GGA1: variants seen among roughly 807,000 people sequenced by gnomAD.
The protein encoded by GGA1 is golgi associated, gamma adaptin ear containing, ARF binding protein 1.
A neutral mutation model predicts 76.9 loss-of-function variants in GGA1; 18 were observed. That is an observed-to-expected ratio of 0.23 (90% CI 0.16 to 0.35). GGA1 has a LOEUF of 0.35. GGA1 is among the 10% of genes least tolerant of loss of function. The probability of loss-of-function intolerance (pLI) is 1.00; values close to 1 mark genes in which losing one functional copy is unlikely to be tolerated. For synonymous variants in GGA1, 342 were observed against 354.7 expected, an observed-to-expected ratio of 0.96 and a Z score of 0.40; for missense variants, 755 against 859.0, an observed-to-expected ratio of 0.88 and a Z score of 1.51.
rs1176155311 is a variant in GGA1 at position 37,620,925 on chromosome 22, A to G, written c.528+12A>G. ...AGGAGAAATCCAAGGTGAGACTCCA[A>G]GGAGGCACATATGGGGACTCTGAGC... On this transcript the variant is annotated intron_variant, in intron 6 of 16. Transcript: ENST00000343632. 1.3e-6 allele frequency: 2 copies of G among 1,533,076 alleles called. No individual in the cohort carries two copies. The highest frequency in any genetic ancestry group is 3.3e-5 in the Admixed American group (2 of 59,940). The allele number at this position is 1,533,076 out of a possible 1,614,324, so 95.0% of individuals were successfully genotyped here.
At position 37,623,473 on chromosome 22, in the gene GGA1, C is replaced by T. The variant is rs550236732; in HGVS notation, c.750+6C>T. ...GCAGCGAGGACCTCATGAAGGTGCA[C>T]CTGCCTCCCTGCCTACCCCACTCCC... On this transcript the variant is annotated splice_donor_region_variant and intron_variant, in intron 8 of 16. Coordinates refer to ENST00000343632, the MANE Select transcript of GGA1 (RefSeq NM_013365.5). This position sits in a 1 kb window ranked among gnomAD's most constrained non-coding sequence, Gnocchi z 4.6. 16 of 1,613,820 alleles carry T rather than the reference C, an allele frequency of 9.9e-6. No homozygotes were observed. The highest frequency in any genetic ancestry group is 2.2e-5 in the South Asian group (2 of 91,082).
Position 37,618,508 on chromosome 22 carries a change from C to G in GGA1, c.265C>G (p.Arg89Gly), listed in dbSNP as rs754232613. The G allele has an allele frequency of 1.2e-6, 2 of 1,613,516 alleles. No homozygotes were observed. The highest frequency in any genetic ancestry group is 1.7e-6 in the Non-Finnish European group (2 of 1,179,432). ...GTTCCACGACGAAGTGGGCAAGTTC[C>G]GCTTTCTCAACGAGCTCATCAAGGT... The part of the protein sequence containing the change: ...KRFHDEVGKF[R>G]FLNELIKVVS... The change falls in exon 4 of 17, where the codon CGC becomes GGC. Residue 89 changes from arginine (R) to glycine (G), a missense_variant. Coordinates refer to ENST00000343632, the MANE Select transcript of GGA1 (RefSeq NM_013365.5).
At chr22:37,621,965 C>T (rs903800637) in intron 7 of GGA1, among the ~76,000 whole-genome samples, 1 of 151,684 alleles carries the variant, frequency 6.6e-6, no homozygotes, top group Admixed American at 6.6e-5. Flanking sequence ...TTTAAAAATA[C>T]TAAGTATTTT....
chr22:37,613,024 G>A (rs1297679088), intron 1 of GGA1: 1 of 985,352 alleles, frequency 1.0e-6, no homozygotes, highest in Non-Finnish European at 1.2e-6. Flanking sequence ...ATTTGCCAAG[G>A]GGAGACAGGT....
rs1358766831 is a variant in GGA1, at chr22:37,630,904, G to A, written c.1333G>A (p.Glu445Lys). ...LPPESQQVRWEKQQPTPRLTL... is the reference protein window; with the variant it reads ...LPPESQQVRWKKQQPTPRLTL... ...TTAATGCACTGTCCCCCGATTAAGG[G>A]AGAAGCAGCAGCCAACCCCCCGGCT... is the stretch of plus-strand genomic sequence containing the variant. The change falls in exon 14 of 17, where the codon GAG (glutamate) becomes AAG (lysine). Residue 445 changes from glutamate to lysine, a missense_variant and splice_region_variant. Glu to Lys is a moderately conservative substitution (Grantham distance 56). Transcript: ENST00000343632. 3 of 1,609,528 alleles carry A rather than the reference G, an allele frequency of 1.9e-6. No homozygotes were observed. The highest frequency in any genetic ancestry group is 2.5e-6 in the Non-Finnish European group (3 of 1,177,956).
In GGA1 at chr22:37,630,111, C is replaced by T. The variant is rs980026081; in HGVS notation, c.1272C>T (p.Asp424=). ...CAAGCAGCGGTCTGGACGACCTAGA[C>T]CTCCTGGGGAAGACCCTCCTGCAGC... The part of the protein sequence containing the change: ...LPASSGLDDL[D]LLGKTLLQQS... The change falls in exon 13 of 17, where the codon GAC becomes GAT. Residue 424 remains aspartate (D), a synonymous_variant. Transcript: ENST00000343632. 6.2e-6 allele frequency: 10 copies of T among 1,609,310 alleles called. No individual in the cohort carries two copies. The highest frequency in any genetic ancestry group is 1.7e-5 in the Admixed American group (1 of 59,714).
In GGA1 at chr22:37,632,739, C is replaced by T. The variant is rs1440850991; in HGVS notation, c.*28C>T. ...CAGAGGGGCTGGGGAGAGGAAGGGG[C>T]AGAGGGACCGGTCACTGTCCAGCCT... On this transcript the variant is annotated 3_prime_UTR_variant, in exon 17 of 17. Coordinates refer to ENST00000343632, the MANE Select transcript of GGA1 (RefSeq NM_013365.5). This position sits in a 1 kb window ranked among gnomAD's most constrained non-coding sequence, Gnocchi z 5.1. 4 of 1,323,148 alleles carry T rather than the reference C, an allele frequency of 3.0e-6. No individual in the cohort carries two copies. Among genetic ancestry groups the T allele is most frequent in the Middle Eastern group, 1.8e-4 (1 of 5,512 alleles). 82.0% of individuals were successfully genotyped at this position (1,323,148 alleles called of 1,614,324 possible).
intron 1 of GGA1, chr22:37,609,449 T>C (rs1192224106): frequency 6.8e-6 from 3 of 441,988 alleles, no homozygotes; most frequent in East Asian, 1.6e-4. Flanking sequence ...TCTAGCCACA[T>C]AGTGAGAAAC....
Position 37,631,215 on chromosome 22 carries a change from AC to A in GGA1, c.1528+118del, listed in dbSNP as rs1931751804. 1.0e-4 allele frequency: 79 copies of A among 768,958 alleles called. 1 individual carries two copies. In the South Asian group the frequency reaches 1.5e-3, roughly 15 times the overall value. The allele number at this position is 768,958 out of a possible 1,614,324, so 47.6% of individuals were successfully genotyped here. On this transcript the variant is annotated intron_variant, in intron 14 of 16. Coordinates refer to ENST00000343632, the MANE Select transcript of GGA1 (RefSeq NM_013365.5). ...GCTCCCCTGGCTCTGCCACTGGCCA[AC>A]CAGAGGGGAGCTCTGAACAAGGCCC...
chr22:37,615,981 C>T (rs944079816), intron 2 of GGA1, among the ~76,000 whole-genome samples: 24 of 151,912 alleles, frequency 1.6e-4, no homozygotes, highest in African/African-American at 5.1e-4. Context: ...GCTGGGACTA[C>T]AGGCGCCTGC....
In GGA1 at chr22:37,623,620, T is replaced by TGGC. The variant is rs1308390322; in HGVS notation, c.820_821insGCG (p.Asn273_Asp274insGly). 1 of 1,584,210 alleles carries TGGC rather than the reference T, an allele frequency of 6.3e-7. No homozygotes were observed. The highest frequency in any genetic ancestry group is 1.8e-5 in the Admixed American group (1 of 54,118). ...GACTGGCGAGTGACACAGAGGACAA[T>TGGC]GATGAGGCCTTAGGTGAGCCCAGGG... On this transcript the variant is annotated inframe_insertion, in exon 9 of 17. Coordinates refer to ENST00000343632, the MANE Select transcript of GGA1 (RefSeq NM_013365.5). This position sits in a 1 kb window ranked among gnomAD's most constrained non-coding sequence, Gnocchi z 4.6.
chr22:37,617,280 A>G, intron 3 of GGA1: 1 of 1,325,352 alleles, frequency 7.5e-7, no homozygotes, highest in South Asian at 1.8e-5. Context: ...CTGCCTCTCC[A>G]GGAAGCGTGT....
In GGA1 at chr22:37,614,270, G is replaced by A. The variant is rs758713338; in HGVS notation, c.124G>A (p.Glu42Lys). 6.2e-7 allele frequency: 1 copy of A among 1,611,680 alleles called. No individual in the cohort carries two copies. The highest frequency in any genetic ancestry group is 8.5e-7 in the Non-Finnish European group (1 of 1,177,884). Residue 42 changes from glutamate (E) to lysine (K), a missense_variant, in exon 2 of 17, where the codon GAG (glutamate) becomes AAG (lysine). Transcript: ENST00000343632. ...GFCEQLNEDF[E>K]GPPLATRLLA... ...CTGCGAGCAGCTCAACGAGGACTTTGAGGGGTAGGTGGCCGTCCCCACTTG... is the reference window on the plus strand; with the variant it reads ...CTGCGAGCAGCTCAACGAGGACTTTAAGGGGTAGGTGGCCGTCCCCACTTG...
At chr22:37,621,014 A>G in intron 6 of GGA1, 101 bp downstream of exon 6, 1 of 766,030 alleles carries the variant, frequency 1.3e-6, no homozygotes, top group Non-Finnish European at 2.4e-6. Flanking sequence ...GAACAGAGGC[A>G]CACACTGAGC....
At chr22:37,626,026 A>C in intron 11 of GGA1, 77 bp downstream of exon 11, 1 of 1,219,634 alleles carries the variant, frequency 8.2e-7, no homozygotes, top group African/African-American at 1.5e-5. Context: ...ACTCACAGCT[A>C]GCGGAACCAC....
At chr22:37,616,863 G>T in intron 2 of GGA1, 59 bp from the exon 3 acceptor site, 2 of 1,522,292 alleles carry the variant, frequency 1.3e-6, no homozygotes, top group Non-Finnish European at 1.8e-6. Context: ...TGGGGTCGTG[G>T]CCCTAGGGTG....
At position 37,614,267 on chromosome 22, in the gene GGA1, T is replaced by G. The variant is rs532554844; in HGVS notation, c.121T>G (p.Phe41Val). 1.3e-5 allele frequency: 21 copies of G among 1,611,978 alleles called. No homozygotes were observed. Among genetic ancestry groups the G allele is most frequent in the Middle Eastern group, 1.7e-4 (1 of 6,058 alleles). ...NGFCEQLNED[F>V]EGPPLATRLL... is the part of the protein sequence containing the mutation. Reference sequence around the variant, plus strand: ...CTTCTGCGAGCAGCTCAACGAGGACTTTGAGGGGTAGGTGGCCGTCCCCAC... The same window carrying G: ...CTTCTGCGAGCAGCTCAACGAGGACGTTGAGGGGTAGGTGGCCGTCCCCAC... The change falls in exon 2 of 17, where the codon TTT becomes GTT. Residue 41 changes from phenylalanine to valine, a missense_variant. By Grantham distance (50) the Phe-to-Val change is conservative. Coordinates refer to ENST00000343632, the MANE Select transcript of GGA1 (RefSeq NM_013365.5).
intron 14 of GGA1, 106 bp from the exon 15 acceptor site, chr22:37,631,890 T>C: frequency 1.1e-6 from 1 of 918,178 alleles, no homozygotes. Context: ...TTTGCTCTTG[T>C]TGCCAGTACA....
chr22:37,609,306 T>A (rs763347238), intron 1 of GGA1: 30 of 1,111,074 alleles, frequency 2.7e-5, no homozygotes, highest in Non-Finnish European at 3.1e-5. Context: ...CCTACTATTT[T>A]CAGGCCCCGA....
Sources: gnomAD v4.1 joint callset for allele counts (sites outside exome capture counted in the v4.1 genomes callset) on GRCh38, gnomAD v4.1.1 for gene constraint, Gnocchi (gnomAD v3.1) non-coding constraint, MANE v1.5 for transcripts, NCBI Gene and HGNC (gene_info 2026-07-23, HGNC 2026-07-21) for gene names.